The following SLC4A4 variants were observed in gnomAD, a reference collection of about 807,000 sequenced individuals.
SLC4A4 encodes the protein electrogenic sodium bicarbonate cotransporter 1.
Under a neutral mutation model 111.5 loss-of-function variants are expected in SLC4A4, and 27 were observed. The ratio of observed to expected loss-of-function variants is 0.24; its 90% CI spans 0.18 to 0.33. SLC4A4 has a LOEUF of 0.33. Ranked by LOEUF, SLC4A4 falls within the 10% of genes least tolerant of loss-of-function variation. The probability of loss-of-function intolerance (pLI) is 1.00; values close to 1 mark genes in which losing one functional copy is unlikely to be tolerated. For synonymous variants in SLC4A4, 443 were observed against 463.4 expected (o/e 0.96, Z 0.57); for missense variants, 909 against 1,315.5 (o/e 0.69, Z 4.78).
At chr4:71,242,143 C>T (rs912405293) in intron 2 of SLC4A4, among the ~76,000 whole-genome samples, 14 of 152,188 alleles carry the variant, frequency 9.2e-5, no homozygotes, top group African/African-American at 3.1e-4. Flanking sequence ...GGCCAAAGCC[C>T]TCTTGAAGCC....
In SLC4A4 at chr4:71,190,409, C is replaced by T. The variant is rs180971037; in HGVS notation, c.-2+3008C>T. ...TTACACACACACACACACACACACA[C>T]ACACACACACACACACACACAGACA... On this transcript the variant is annotated intron_variant, in intron 1 of 25. Coordinates refer to ENST00000264485, the MANE Select transcript of SLC4A4 (RefSeq NM_001098484.3). 1.3e-4 allele frequency among the ~76,000 whole-genome samples: 20 copies of T among 151,210 alleles called. No homozygotes were observed. In the East Asian group the frequency reaches 3.9e-3, roughly 29 times the overall value.
chr4:71,365,346 C>T (rs1043259622), intron 6 of SLC4A4, among the ~76,000 whole-genome samples: 1 of 152,086 alleles, frequency 6.6e-6, no homozygotes, highest in African/African-American at 2.4e-5. Flanking sequence ...TTAATAGAGC[C>T]ACGCTTGCAA....
At chr4:71,093,607 C>A (rs1184290229) in intron 2 of SLC4A4, among the ~76,000 whole-genome samples, 1 of 152,196 alleles carries the variant, frequency 6.6e-6, no homozygotes. Context: ...TTAGCTTCAG[C>A]AATTTAAACT....
At position 71,417,196 on chromosome 4, in the gene SLC4A4, G is replaced by A. The variant is rs577082493; in HGVS notation, c.807+19543G>A. ...AGGTACTGAGGAAACAAAGTTGAAT[G>A]ATACATGGTTTCTTTTCTTAGGGTA... On this transcript the variant is annotated intron_variant, in intron 7 of 25. Transcript: ENST00000264485. Among the ~76,000 whole-genome samples the A allele has an allele frequency of 4.6e-5, 7 of 152,310 alleles. No individual in the cohort carries two copies. In the South Asian group the frequency reaches 1.5e-3, roughly 32 times the overall value.
At chr4:71,078,792 G>T (rs1201357401) in intron 1 of SLC4A4, among the ~76,000 whole-genome samples, 1 of 151,954 alleles carries the variant, frequency 6.6e-6, no homozygotes, top group African/African-American at 2.4e-5. Flanking sequence ...GCTGCTTTGG[G>T]ATTTGTATAA....
intron 6 of SLC4A4, among the ~76,000 whole-genome samples, chr4:71,378,347 T>A (rs563440941): frequency 6.6e-6 from 1 of 152,200 alleles, no homozygotes; most frequent in African/African-American, 2.4e-5. Flanking sequence ...TGTGAAGTTA[T>A]GGAAGGCCAC....
At chr4:71,461,521 T>C (rs1210755625) in intron 12 of SLC4A4, among the ~76,000 whole-genome samples, 1 of 152,206 alleles carries the variant, frequency 6.6e-6, no homozygotes, top group East Asian at 1.9e-4. Flanking sequence ...ATTTTTAATA[T>C]TTGATGTTTC....
intron 1 of SLC4A4, among the ~76,000 whole-genome samples, chr4:71,226,210 T>A (rs2149027629): frequency 6.6e-6 from 1 of 152,318 alleles, no homozygotes; most frequent in African/African-American, 2.4e-5. Context: ...CAGGCACGAT[T>A]GTAACGCACT....
intron 16 of SLC4A4, among the ~76,000 whole-genome samples, chr4:71,531,257 T>G (rs1255594279): frequency 1.3e-5 from 2 of 152,102 alleles, no homozygotes; most frequent in Non-Finnish European, 2.9e-5. Context: ...ACCCACTTCA[T>G]GGGAATGGTC....
chr4:71,419,070 T>C (rs1036059759), intron 7 of SLC4A4, among the ~76,000 whole-genome samples: 2 of 152,074 alleles, frequency 1.3e-5, no homozygotes, highest in Non-Finnish European at 2.9e-5. Context: ...CTCAGAGGAG[T>C]ACCCGGCCGT....
chr4:71,493,700 TCTC>T (rs1228981465), intron 15 of SLC4A4, among the ~76,000 whole-genome samples: 1 of 151,148 alleles, frequency 6.6e-6, no homozygotes, highest in Non-Finnish European at 1.5e-5. Context: ...CCTCTCTCTC[TCTC>T]CTTTCTCCAT....
At chr4:71,523,802 C>T (rs1265434737) in intron 16 of SLC4A4, among the ~76,000 whole-genome samples, 2 of 151,826 alleles carry the variant, frequency 1.3e-5, no homozygotes, top group Non-Finnish European at 2.9e-5. Flanking sequence ...CTTTTTAGGC[C>T]CTGGAACCCT....
chr4:71,073,111 T>C (rs537402463), intron 1 of SLC4A4, among the ~76,000 whole-genome samples: 1 of 152,280 alleles, frequency 6.6e-6, no homozygotes, highest in South Asian at 2.1e-4. Flanking sequence ...TTAATACATA[T>C]GAAGGCAATT....
At chr4:71,234,903 T>C (rs1339445621) in intron 1 of SLC4A4, among the ~76,000 whole-genome samples, 1 of 152,188 alleles carries the variant, frequency 6.6e-6, no homozygotes, top group African/African-American at 2.4e-5. Context: ...ATCTTGCAAG[T>C]GTCCAGAGGT....
At chr4:71,225,396 A>G (rs1028035913) in intron 1 of SLC4A4, among the ~76,000 whole-genome samples, 4 of 152,066 alleles carry the variant, frequency 2.6e-5, no homozygotes, top group African/African-American at 7.2e-5. Flanking sequence ...CAGTTCCTAC[A>G]TTGTTATAGG....
chr4:71,094,164 C>T lies in SLC4A4; in HGVS notation c.-2+1372C>T, dbSNP rs115432771. On this transcript the variant is annotated intron_variant, in intron 2 of 26. Transcript: ENST00000649996. ...TATGAGGATATGGCATGGTAAGCCA[C>T]GAGTGGCATACAGTCATAAAATGTA... is the stretch of plus-strand genomic sequence containing the variant. 2.4e-3 allele frequency among the ~76,000 whole-genome samples: 359 copies of T among 152,296 alleles called. 7 individuals are homozygous for T. Among genetic ancestry groups the T allele is most frequent in the African/African-American group, 8.3e-3 (345 of 41,578 alleles).
chr4:71,275,124 C>T, intron 3 of SLC4A4, among the ~76,000 whole-genome samples: 1 of 152,160 alleles, frequency 6.6e-6, no homozygotes, highest in East Asian at 1.9e-4. Flanking sequence ...AAAATTCTTT[C>T]ACTGCCACAG....
chr4:71,421,668 C>G (rs1684266832), intron 7 of SLC4A4, among the ~76,000 whole-genome samples: 1 of 152,206 alleles, frequency 6.6e-6, no homozygotes, highest in Non-Finnish European at 1.5e-5. Flanking sequence ...AACTAGAACT[C>G]AGGATTAAGA....
At chr4:71,130,233 TA>T (rs375687558) in intron 2 of SLC4A4, among the ~76,000 whole-genome samples, 171 of 151,624 alleles carry the variant, frequency 1.1e-3, no homozygotes, top group Non-Finnish European at 1.9e-3. Context: ...TAATGTTAAT[TA>T]TTTTTTTTTT....
Sources: allele counts gnomAD v4.1 joint callset (sites outside exome capture counted in the v4.1 genomes callset), GRCh38; gene constraint gnomAD v4.1.1; transcripts MANE v1.5; gene names NCBI Gene and HGNC (gene_info 2026-07-23, HGNC 2026-07-21).